Variants in IQGAP2 observed in about 807,000 individuals in gnomAD.
IQGAP2 encodes the protein ras GTPase-activating-like protein IQGAP2.
Under a neutral mutation model 201.3 loss-of-function variants are expected in IQGAP2, and 173 were observed. The ratio of observed to expected loss-of-function variants is 0.86; its 90% CI spans 0.76 to 0.98. The LOEUF (loss-of-function observed/expected upper bound fraction) is 0.98. Ranked by LOEUF, IQGAP2 falls within the 50% of genes least tolerant of loss-of-function variation. The pLI, the probability that IQGAP2 is intolerant of heterozygous loss-of-function variation, is 0.00. For synonymous variants in IQGAP2, 675 were observed against 673.9 expected (o/e 1.00, Z -0.03); for missense variants, 1,687 against 1,864.8 (o/e 0.90, Z 1.76).
Position 76,619,838 on chromosome 5 carries a change from G to A in IQGAP2, c.1522-7572G>A, listed in dbSNP as rs570476629. 2.0e-5 allele frequency among the ~76,000 whole-genome samples: 3 copies of A among 152,186 alleles called. No homozygotes were observed. In the South Asian group the frequency reaches 6.2e-4, roughly 32 times the overall value. ...CGGCCAGTTAAGGATCTTAAAATGA[G>A]ATTTTCCTGGATTGCCTGGGTGGGT... On this transcript the variant is annotated intron_variant, in intron 13 of 35. Coordinates refer to ENST00000274364, the MANE Select transcript of IQGAP2 (RefSeq NM_006633.5).
intron 8 of IQGAP2, 54 bp downstream of exon 8, chr5:76,590,640 G>A: frequency 7.4e-7 from 1 of 1,351,810 alleles, no homozygotes; most frequent in Non-Finnish European, 1.0e-6. Context: ...TGAGTTACTA[G>A]TTTGAAAAGC....
chr5:76,548,489 GAGCTTA>G, intron 2 of IQGAP2, among the ~76,000 whole-genome samples: 1 of 152,356 alleles, frequency 6.6e-6, no homozygotes, highest in Non-Finnish European at 1.5e-5. Flanking sequence ...CCTAGGAAGT[GAGCTTA>G]AGCCCTGTTC....
At chr5:76,449,109 A>T (rs1226626508) in intron 1 of IQGAP2, among the ~76,000 whole-genome samples, 7 of 152,174 alleles carry the variant, frequency 4.6e-5, no homozygotes, top group African/African-American at 1.7e-4. Flanking sequence ...GTGGAGGGGA[A>T]TGGCCCTCTT....
In IQGAP2 at chr5:76,707,938, G is replaced by A. The variant is rs759657344; in HGVS notation, c.*625G>A. ...CTGCCTCATGTAAAGACTCTTGCAC[G>A]CAGAGCCTTTAAGTGACTAAGGAAC... On this transcript the variant is annotated 3_prime_UTR_variant, in exon 36 of 36. Transcript: ENST00000274364. 4.6e-5 allele frequency: 7 copies of A among 152,546 alleles called. No homozygotes were observed. The highest frequency in any genetic ancestry group is 2.1e-4 in the South Asian group (1 of 4,820). 9.4% of individuals were successfully genotyped at this position (152,546 alleles called of 1,614,324 possible).
intron 11 of IQGAP2, among the ~76,000 whole-genome samples, chr5:76,601,840 G>A (rs1486670691): frequency 1.3e-5 from 2 of 152,206 alleles, no homozygotes; most frequent in African/African-American, 4.8e-5. Flanking sequence ...TGGCCAAAAG[G>A]TAATGGAAGG....
In IQGAP2 at chr5:76,583,876, T is replaced by A. The variant is rs1050819886; in HGVS notation, c.459-5030T>A. 4.6e-4 allele frequency among the ~76,000 whole-genome samples: 41 copies of A among 88,422 alleles called. 2 individuals carry two copies. In the East Asian group the frequency reaches 6.3e-3, roughly 14 times the overall value. 58.0% of individuals were successfully genotyped at this position (88,422 alleles called of 152,430 possible). A position where few individuals can be genotyped will look rare whatever the true frequency, so the allele number is the denominator to read the frequency against. ...TTAGGGATAGCATGGTAGAGAAAAT[T>A]TTTTTTTTTTTTGAGACACAGAGTC... On this transcript the variant is annotated intron_variant, in intron 5 of 35. Coordinates refer to ENST00000274364, the MANE Select transcript of IQGAP2 (RefSeq NM_006633.5).
At chr5:76,618,102 C>A in intron 13 of IQGAP2, 1 of 1,614,098 alleles carries the variant, frequency 6.2e-7, no homozygotes, top group Non-Finnish European at 8.5e-7. Flanking sequence ...GGGCAGGCCC[C>A]GGTAGGTGAA....
At chr5:76,550,463 C>A (rs1429362104) in intron 2 of IQGAP2, among the ~76,000 whole-genome samples, 2 of 150,598 alleles carry the variant, frequency 1.3e-5, no homozygotes, top group Non-Finnish European at 2.9e-5. Context: ...AACATGTGAA[C>A]AAGGGTCTCT....
intron 1 of IQGAP2, among the ~76,000 whole-genome samples, chr5:76,416,692 T>C (rs989472347): frequency 4.6e-5 from 7 of 152,186 alleles, no homozygotes; most frequent in African/African-American, 1.7e-4. Flanking sequence ...CACGCGTGGC[T>C]AATTTTTGTA....
At position 76,611,010 on chromosome 5, in the gene IQGAP2, C is replaced by A; in HGVS notation, c.1358-10C>A. 6.3e-7 allele frequency: 1 copy of A among 1,599,000 alleles called. No individual in the cohort carries two copies. Among genetic ancestry groups the A allele is most frequent in the Non-Finnish European group, 8.5e-7 (1 of 1,174,724 alleles). On this transcript the variant is annotated splice_polypyrimidine_tract_variant and intron_variant, in intron 12 of 35. Coordinates refer to ENST00000274364, the MANE Select transcript of IQGAP2 (RefSeq NM_006633.5). ...TGACTTAAAAGGAAAACTACTTCTT[C>A]ATTTTCTAGGAGTTGTAGCTGTAGG...
chr5:76,553,685 C>G (rs1743716235), intron 2 of IQGAP2, among the ~76,000 whole-genome samples: 1 of 152,092 alleles, frequency 6.6e-6, no homozygotes, highest in Non-Finnish European at 1.5e-5. Context: ...CCTTTCTCTC[C>G]CCTTCTGCCA....
chr5:76,509,262 G>A (rs1189367524), intron 2 of IQGAP2, among the ~76,000 whole-genome samples: 1 of 152,160 alleles, frequency 6.6e-6, no homozygotes, highest in Non-Finnish European at 1.5e-5. Flanking sequence ...CACAAATGAT[G>A]TGTAGAAAGA....
At chr5:76,451,392 A>G (rs1214272763) in intron 1 of IQGAP2, among the ~76,000 whole-genome samples, 1 of 152,110 alleles carries the variant, frequency 6.6e-6, no homozygotes, top group Non-Finnish European at 1.5e-5. Flanking sequence ...GTCACTGTCC[A>G]GGTTAGGTTC....
chr5:76,621,130 A>C (rs537391212), intron 13 of IQGAP2, among the ~76,000 whole-genome samples: 1 of 152,284 alleles, frequency 6.6e-6, no homozygotes, highest in African/African-American at 2.4e-5. Flanking sequence ...CATATTGAAT[A>C]CTTGAAGTTA....
At chr5:76,504,853 C>G (rs530570498) in intron 2 of IQGAP2, among the ~76,000 whole-genome samples, 4 of 152,152 alleles carry the variant, frequency 2.6e-5, no homozygotes, top group Admixed American at 6.5e-5. Context: ...AATCTCTGTC[C>G]TTAGGCCCAG....
chr5:76,572,819 T>C (rs1474599137), intron 4 of IQGAP2, among the ~76,000 whole-genome samples: 2 of 152,200 alleles, frequency 1.3e-5, no homozygotes, highest in Non-Finnish European at 2.9e-5. Flanking sequence ...TGAAGACCTC[T>C]GTTGTGCCAG....
At chr5:76,638,297 T>G (rs983267674) in intron 16 of IQGAP2, among the ~76,000 whole-genome samples, 1 of 152,186 alleles carries the variant, frequency 6.6e-6, no homozygotes, top group Non-Finnish European at 1.5e-5. Flanking sequence ...GAGAATTGCT[T>G]GAACCCAGGA....
chr5:76,457,611 T>C (rs1050080811), intron 1 of IQGAP2, among the ~76,000 whole-genome samples: 1 of 152,156 alleles, frequency 6.6e-6, no homozygotes, highest in African/African-American at 2.4e-5. Context: ...TGTGTGAAGG[T>C]AGCAGGTAGA....
intron 33 of IQGAP2, 82 bp from the exon 34 acceptor site, chr5:76,700,994 C>A: frequency 7.0e-7 from 1 of 1,434,028 alleles, no homozygotes; most frequent in Non-Finnish European, 9.7e-7. Context: ...ACAGCGATGT[C>A]ACTCTGAGTA....
Sources: allele counts gnomAD v4.1 joint callset (sites outside exome capture counted in the v4.1 genomes callset), GRCh38; gene constraint gnomAD v4.1.1; transcripts MANE v1.5; gene names NCBI Gene and HGNC (gene_info 2026-07-23, HGNC 2026-07-21).